Variants in KCNH5 observed in about 807,000 individuals in gnomAD.
KCNH5 encodes potassium voltage-gated channel subfamily H member 5.
A neutral mutation model predicts 96.1 loss-of-function variants in KCNH5; 46 were observed. That is an observed-to-expected ratio of 0.48 (90% CI 0.38 to 0.61). The LOEUF (loss-of-function observed/expected upper bound fraction) is 0.61, where lower values mean the gene tolerates loss of function less well. Among genes scored for constraint, KCNH5 ranks in the 20% least tolerant of loss-of-function variants. The pLI, the probability that KCNH5 is intolerant of heterozygous loss-of-function variation, is 0.00. For synonymous variants in KCNH5, 439 were observed against 449.8 expected (o/e 0.98, Z 0.30); for missense variants, 907 against 1,225.8 (o/e 0.74, Z 3.88).
chr14:62,802,945 C>T (rs1886694728), intron 8 of KCNH5, among the ~76,000 whole-genome samples: 2 of 152,234 alleles, frequency 1.3e-5, no homozygotes, highest in Non-Finnish European at 2.9e-5. Flanking sequence ...AGCTCGAGAC[C>T]AGCCTGGGCA....
At chr14:63,006,338 A>C in intron 3 of KCNH5, 28 bp downstream of exon 3, 1 of 1,338,526 alleles carries the variant, frequency 7.5e-7, no homozygotes, top group Non-Finnish European at 1.1e-6. Flanking sequence ...AAGAGTTGGC[A>C]CATCTTATTA....
intron 10 of KCNH5, among the ~76,000 whole-genome samples, chr14:62,710,699 A>C (rs1329300093): frequency 6.6e-6 from 1 of 152,052 alleles, no homozygotes; most frequent in East Asian, 1.9e-4. Flanking sequence ...GGTAACTGAG[A>C]GCAGCCTTCA....
chr14:62,735,592 C>A (rs1218799816), intron 10 of KCNH5, among the ~76,000 whole-genome samples: 22 of 152,132 alleles, frequency 1.4e-4, no homozygotes, highest in Admixed American at 1.4e-3. Flanking sequence ...ATAGGCGGTA[C>A]TCCACCTTCA....
intron 4 of KCNH5, among the ~76,000 whole-genome samples, chr14:62,996,772 G>A (rs1687016412): frequency 6.6e-6 from 1 of 152,166 alleles, no homozygotes; most frequent in African/African-American, 2.4e-5. Flanking sequence ...GGTCAAAACT[G>A]CTGCGAAAGT....
intron 6 of KCNH5, among the ~76,000 whole-genome samples, chr14:62,977,282 G>A (rs975454543): frequency 1.3e-5 from 2 of 152,098 alleles, no homozygotes; most frequent in Admixed American, 1.3e-4. Context: ...CAGGAGAATC[G>A]CTTGAACCTG....
chr14:63,013,480 A>C (rs1329143818), intron 2 of KCNH5, among the ~76,000 whole-genome samples: 1 of 152,158 alleles, frequency 6.6e-6, no homozygotes, highest in East Asian at 1.9e-4. Flanking sequence ...TCTCAGTGTC[A>C]AATACTTATC....
chr14:62,983,624 T>A (rs888407784), intron 5 of KCNH5, among the ~76,000 whole-genome samples: 5 of 152,156 alleles, frequency 3.3e-5, no homozygotes, highest in African/African-American at 1.2e-4. Context: ...CCTGGATTAA[T>A]GCAGGTCTCC....
In KCNH5 at chr14:63,045,233, G is replaced by A. The variant is rs371939671; in HGVS notation, c.-47C>T. The A allele has an allele frequency of 2.4e-4, 342 of 1,417,470 alleles. 1 individual carries two copies. The African/African-American group carries it at 4.1e-3, about 17-fold the overall frequency. The allele number at this position is 1,417,470 out of a possible 1,614,324, so 87.8% of individuals were successfully genotyped here. A position where few individuals can be genotyped will look rare whatever the true frequency, so the allele number is the denominator to read the frequency against. ...CCAGGATCCGCGGCGGGGGAGGGGGGGATGCAGGCAAAGAAGGTGGAGGAA... is the reference window on the plus strand; with the variant it reads ...CCAGGATCCGCGGCGGGGGAGGGGGAGATGCAGGCAAAGAAGGTGGAGGAA... On this transcript the variant is annotated 5_prime_UTR_variant, in exon 1 of 11. Transcript: ENST00000322893.
intron 7 of KCNH5, among the ~76,000 whole-genome samples, chr14:62,859,653 C>G (rs1887995323): frequency 6.6e-6 from 1 of 152,222 alleles, no homozygotes; most frequent in Non-Finnish European, 1.5e-5. Context: ...AGTACATAAT[C>G]GCGCATCTGG....
At chr14:62,721,879 T>C (rs1884825239) in intron 10 of KCNH5, among the ~76,000 whole-genome samples, 1 of 152,184 alleles carries the variant, frequency 6.6e-6, no homozygotes, top group East Asian at 1.9e-4. Flanking sequence ...ATAATACTTG[T>C]CTTCATCTTT....
intron 10 of KCNH5, among the ~76,000 whole-genome samples, chr14:62,760,169 A>G (rs1052169424): frequency 1.3e-5 from 2 of 152,154 alleles, no homozygotes; most frequent in South Asian, 2.1e-4. Flanking sequence ...ACACTCTACA[A>G]TGGCCAACTA....
At chr14:62,968,387 T>G (rs985667774) in intron 6 of KCNH5, among the ~76,000 whole-genome samples, 1 of 152,254 alleles carries the variant, frequency 6.6e-6, no homozygotes, top group Non-Finnish European at 1.5e-5. Flanking sequence ...TTTGTATTTA[T>G]TTGTCCACAA....
chr14:62,800,214 T>G (rs764824097), intron 9 of KCNH5, among the ~76,000 whole-genome samples: 17 of 152,004 alleles, frequency 1.1e-4, no homozygotes, highest in Non-Finnish European at 2.2e-4. Context: ...AAGCACAAGA[T>G]GTGAAAAGTC....
intron 10 of KCNH5, among the ~76,000 whole-genome samples, chr14:62,751,862 T>C (rs1218463230): frequency 6.6e-6 from 1 of 152,214 alleles, no homozygotes; most frequent in African/African-American, 2.4e-5. Flanking sequence ...TAGCTTCCTA[T>C]GGATATCAGG....
At chr14:62,846,957 C>T (rs1386942240) in intron 8 of KCNH5, among the ~76,000 whole-genome samples, 16 of 148,336 alleles carry the variant, frequency 1.1e-4, no homozygotes, top group African/African-American at 1.5e-4. Context: ...CCCGCCAGCA[C>T]GCCCGGCTAA....
chr14:62,931,703 G>T (rs1215515377), intron 7 of KCNH5, among the ~76,000 whole-genome samples: 1 of 152,148 alleles, frequency 6.6e-6, no homozygotes, highest in Admixed American at 6.6e-5. Context: ...GGAAGTGAAG[G>T]AGCAAAGGTG....
At chr14:62,939,431 C>A (rs1353242897) in intron 7 of KCNH5, among the ~76,000 whole-genome samples, 2 of 152,182 alleles carry the variant, frequency 1.3e-5, no homozygotes, top group Non-Finnish European at 2.9e-5. Flanking sequence ...ACCAGAACCA[C>A]ATTTCTAACC....
chr14:62,956,607 T>C (rs1890108826), intron 6 of KCNH5, among the ~76,000 whole-genome samples: 1 of 130,194 alleles, frequency 7.7e-6, no homozygotes, highest in African/African-American at 2.9e-5. Flanking sequence ...AATTTCTTAC[T>C]CATCCCATGA....
intron 7 of KCNH5, among the ~76,000 whole-genome samples, chr14:62,854,010 A>AAC (rs1274671428): frequency 6.8e-6 from 1 of 146,942 alleles, no homozygotes; most frequent in Admixed American, 6.8e-5. Context: ...CTGTCAAAAA[A>AAC]AAAAAAAACA....
Sources: gnomAD v4.1 joint callset for allele counts (sites outside exome capture counted in the v4.1 genomes callset) on GRCh38, gnomAD v4.1.1 for gene constraint, MANE v1.5 for transcripts, NCBI Gene and HGNC (gene_info 2026-07-23, HGNC 2026-07-21) for gene names.